Variants in PARD3B observed in about 807,000 individuals in gnomAD.
PARD3B encodes the protein par-3 family cell polarity regulator beta, also known as partitioning defective 3 homolog B.
PARD3B carries 103 observed loss-of-function variants against 130.2 expected under a neutral mutation model. That is an observed-to-expected ratio of 0.79 (90% CI 0.67 to 0.93). The LOEUF (loss-of-function observed/expected upper bound fraction) is 0.93, where lower values mean the gene tolerates loss of function less well. PARD3B is among the 40% of genes least tolerant of loss of function. PARD3B has a pLI of 0.00. For missense variants in PARD3B, 1,609 were observed against 1,499.2 expected (o/e 1.07, Z -1.21); for synonymous variants, 583 against 553.2 (o/e 1.05, Z -0.76).
At chr2:205,329,337 C>T (rs1263949270) in intron 18 of PARD3B, among the ~76,000 whole-genome samples, 1 of 152,174 alleles carries the variant, frequency 6.6e-6, no homozygotes, top group East Asian at 1.9e-4. Flanking sequence ...GGTGAAGTAG[C>T]TCCTATTCAA....
chr2:205,551,351 CTTT>C (rs781416650), intron 21 of PARD3B, among the ~76,000 whole-genome samples: 5 of 139,958 alleles, frequency 3.6e-5, no homozygotes, highest in Admixed American at 7.2e-5. Flanking sequence ...TCTTCCTTTT[CTTT>C]TTTTTTTTTT....
intron 21 of PARD3B, among the ~76,000 whole-genome samples, chr2:205,517,846 A>G (rs1166339628): frequency 2.0e-5 from 3 of 152,144 alleles, no homozygotes; most frequent in Non-Finnish European, 4.4e-5. Context: ...ATTTGCCAAG[A>G]AGTCACTCAG....
At chr2:205,605,815 G>C (rs1025845556) in intron 22 of PARD3B, among the ~76,000 whole-genome samples, 3 of 152,192 alleles carry the variant, frequency 2.0e-5, no homozygotes, top group African/African-American at 7.2e-5. Context: ...CACTTGTCCA[G>C]ACTGCCCGGA....
At chr2:205,541,254 C>CTG (rs1418743626) in intron 21 of PARD3B, among the ~76,000 whole-genome samples, 1 of 151,770 alleles carries the variant, frequency 6.6e-6, no homozygotes, top group Non-Finnish European at 1.5e-5. Context: ...CAGCTTTTCT[C>CTG]TGTTTCTCTG....
intron 15 of PARD3B, among the ~76,000 whole-genome samples, chr2:205,237,302 A>T (rs903046382): frequency 6.6e-6 from 1 of 152,114 alleles, no homozygotes; most frequent in Admixed American, 6.6e-5. Context: ...GGGTTTCACC[A>T]TGTTGACCAG....
At chr2:205,209,417 A>G (rs556833366) in intron 15 of PARD3B, among the ~76,000 whole-genome samples, 4 of 152,166 alleles carry the variant, frequency 2.6e-5, no homozygotes, top group Non-Finnish European at 1.5e-5. Context: ...TTGTTTTCAT[A>G]TAAGAACATC....
At chr2:204,851,790 T>C (rs994723160) in intron 2 of PARD3B, among the ~76,000 whole-genome samples, 2 of 152,126 alleles carry the variant, frequency 1.3e-5, no homozygotes, top group African/African-American at 4.8e-5. Flanking sequence ...CCTCCAGGCT[T>C]CAAGTGATTC....
intron 4 of PARD3B, among the ~76,000 whole-genome samples, chr2:205,075,602 C>A (rs1016640938): frequency 6.6e-6 from 1 of 150,784 alleles, no homozygotes; most frequent in Non-Finnish European, 1.5e-5. Flanking sequence ...TATTTCTATA[C>A]TTCTTATTTC....
intron 2 of PARD3B, among the ~76,000 whole-genome samples, chr2:204,785,241 T>G (rs1195831508): frequency 5.9e-5 from 9 of 152,160 alleles, no homozygotes; most frequent in African/African-American, 1.9e-4. Context: ...TAATGCTCCT[T>G]TCATCATTGA....
At chr2:204,737,880 A>G (rs961821020) in intron 2 of PARD3B, among the ~76,000 whole-genome samples, 15 of 152,106 alleles carry the variant, frequency 9.9e-5, no homozygotes, top group Admixed American at 8.5e-4. Context: ...TTGGCTGTAC[A>G]TATTTGGCTT....
intron 20 of PARD3B, among the ~76,000 whole-genome samples, chr2:205,474,300 A>G (rs1276478096): frequency 2.0e-5 from 3 of 152,152 alleles, no homozygotes; most frequent in Non-Finnish European, 4.4e-5. Flanking sequence ...GGCTATTATT[A>G]ACTTTTTAGA....
At chr2:205,198,595 A>T (rs898135012) in intron 15 of PARD3B, among the ~76,000 whole-genome samples, 2 of 152,154 alleles carry the variant, frequency 1.3e-5, no homozygotes, top group Non-Finnish European at 2.9e-5. Flanking sequence ...TACAAAGGTA[A>T]ATATTTGAGA....
At chr2:204,643,547 C>T (rs901394527) in intron 1 of PARD3B, among the ~76,000 whole-genome samples, 1 of 152,150 alleles carries the variant, frequency 6.6e-6, no homozygotes, top group Non-Finnish European at 1.5e-5. Flanking sequence ...CAACGCAGGA[C>T]GGCTTTGAAT....
At chr2:204,974,893 G>A (rs964205124) in intron 3 of PARD3B, among the ~76,000 whole-genome samples, 1 of 152,162 alleles carries the variant, frequency 6.6e-6, no homozygotes, top group African/African-American at 2.4e-5. Flanking sequence ...TAGATTAAAA[G>A]CATTGTGCTA....
intron 3 of PARD3B, among the ~76,000 whole-genome samples, chr2:205,000,770 ACAT>A (rs1283107379): frequency 6.6e-6 from 1 of 152,156 alleles, no homozygotes; most frequent in Admixed American, 6.5e-5. Context: ...TTTCCTGAGT[ACAT>A]CGTCCCTACT....
chr2:205,336,011 T>C (rs1382776264), intron 18 of PARD3B, among the ~76,000 whole-genome samples: 2 of 152,086 alleles, frequency 1.3e-5, no homozygotes, highest in East Asian at 3.9e-4. Flanking sequence ...GACATTTGGG[T>C]GGGGACACAG....
In PARD3B at chr2:205,235,731, ATTGT is replaced by A. The variant is rs749968056; in HGVS notation, c.2141-10044_2141-10041del. Among the ~76,000 whole-genome samples the A allele has an allele frequency of 8.9e-4, 136 of 152,328 alleles. 1 individual carries two copies. The highest frequency in any genetic ancestry group is 1.5e-3 in the Non-Finnish European group (101 of 68,020). ...ACAGTACACAATTTAAAAAGTGTGA[ATTGT>A]TTATTTCTTGAATTTTCCATTTAAT... On this transcript the variant is annotated intron_variant, in intron 15 of 22. Transcript: ENST00000406610.
chr2:205,054,426 ATATATATATATT>A (rs1472500231), intron 4 of PARD3B, among the ~76,000 whole-genome samples: 2 of 23,816 alleles, frequency 8.4e-5, no homozygotes, highest in East Asian at 1.2e-3. Context: ...ATATATATAT[ATATATATATATT>A]TTTTTTTTTT....
intron 3 of PARD3B, among the ~76,000 whole-genome samples, chr2:205,045,503 C>A (rs1698711795): frequency 6.6e-6 from 1 of 151,992 alleles, no homozygotes; most frequent in Admixed American, 6.6e-5. Flanking sequence ...TTGCCTCGGC[C>A]TCCCAAAGTG....
Sources: allele counts gnomAD v4.1 joint callset (sites outside exome capture counted in the v4.1 genomes callset), GRCh38; gene constraint gnomAD v4.1.1; transcripts MANE v1.5; gene names NCBI Gene and HGNC (gene_info 2026-07-23, HGNC 2026-07-21).